The following AOX1 variants were observed in gnomAD, a reference collection of about 807,000 sequenced individuals.
AOX1 encodes aldehyde oxidase.
Under a neutral mutation model 169.5 loss-of-function variants are expected in AOX1, and 153 were observed. That is an observed-to-expected ratio of 0.90 (90% CI 0.79 to 1.03). AOX1 has a LOEUF of 1.03. Ranked by LOEUF, AOX1 falls within the 50% of genes least tolerant of loss-of-function variation. AOX1 has a pLI of 0.00. For missense variants in AOX1, 1,656 were observed against 1,663.9 expected, an observed-to-expected ratio of 1.00 and a Z score of 0.08; for synonymous variants, 562 against 581.9, an observed-to-expected ratio of 0.97 and a Z score of 0.49.
chr2:200,614,037 A>C, intron 15 of AOX1, 71 bp downstream of exon 15: 5 of 1,376,908 alleles, frequency 3.6e-6, no homozygotes, highest in Non-Finnish European at 5.0e-6. Flanking sequence ...AGAGGCAATG[A>C]CTCCCTACCA....
chr2:200,668,716 A>C lies in AOX1; in HGVS notation c.3711A>C (p.Lys1237Asn), dbSNP rs766738403. Residue 1237 changes from lysine to asparagine, a missense_variant, in exon 33 of 35, where the codon AAA becomes AAC. Coordinates refer to ENST00000374700, the MANE Select transcript of AOX1 (RefSeq NM_001159.4). ...ACACTCGTGGTCCAGACCAATATAA[A>C]ATCCCTGCCATCTGTGACATGCCCA... ...ILHTRGPDQY[K>N]IPAICDMPTE... 3.7e-6 allele frequency: 6 copies of C among 1,614,060 alleles called. No homozygotes were observed. Among genetic ancestry groups the C allele is most frequent in the Non-Finnish European group, 5.1e-6 (6 of 1,180,040 alleles).
Position 200,660,079 on chromosome 2 carries a change from A to G in AOX1, c.3375+10A>G, listed in dbSNP as rs1405368995. On this transcript the variant is annotated intron_variant, in intron 29 of 34. Coordinates refer to ENST00000374700, the MANE Select transcript of AOX1 (RefSeq NM_001159.4). ...AACTTGGAAAGACTGGGTGAGAATC[A>G]ATGGTTCTCTGTATTTTATTTTAGA... 6 of 1,607,638 alleles carry G rather than the reference A, an allele frequency of 3.7e-6. No individual in the cohort carries two copies. Among genetic ancestry groups the G allele is most frequent in the Admixed American group, 3.3e-5 (2 of 59,908 alleles).
At position 200,593,189 on chromosome 2, in the gene AOX1, A is replaced by G; in HGVS notation, c.89A>G (p.Tyr30Cys). 1 of 1,613,708 alleles carries G rather than the reference A, an allele frequency of 6.2e-7. No individual in the cohort carries two copies. Among genetic ancestry groups the G allele is most frequent in the East Asian group, 2.2e-5 (1 of 44,864 alleles). Residue 30 changes from tyrosine (Y) to cysteine (C), a missense_variant, in exon 2 of 35, where the codon TAT becomes TGT. Transcript: ENST00000374700. ...GATCCTGAAACAATGCTGTTGCCTTATTTGAGGAAGAAGCGTATCCTTTTC... is the reference window on the plus strand; with the variant it reads ...GATCCTGAAACAATGCTGTTGCCTTGTTTGAGGAAGAAGCGTATCCTTTTC... ...NVDPETMLLP[Y>C]LRKKLRLTGT...
intron 4 of AOX1, among the ~76,000 whole-genome samples, chr2:200,598,347 G>A (rs1378871080): frequency 6.6e-6 from 1 of 152,132 alleles, no homozygotes; most frequent in African/African-American, 2.4e-5. Flanking sequence ...TTGTCAATAA[G>A]TTTTTTGGCT....
intron 19 of AOX1, 89 bp from the exon 20 acceptor site, chr2:200,627,264 C>A: frequency 1.2e-6 from 1 of 829,340 alleles, no homozygotes; most frequent in Non-Finnish European, 2.0e-6. Flanking sequence ...GAAACAACCC[C>A]TGCTCAGAGG....
At chr2:200,638,478 G>A (rs1465481626) in intron 23 of AOX1, among the ~76,000 whole-genome samples, 176 bp downstream of exon 23, 2 of 152,188 alleles carry the variant, frequency 1.3e-5, no homozygotes, top group African/African-American at 4.8e-5. Context: ...CTGGTTCAAT[G>A]GAGGCTTTTC....
In AOX1 at chr2:200,611,377, T is replaced by A; in HGVS notation, c.1154-7T>A. 6.2e-7 allele frequency: 1 copy of A among 1,600,330 alleles called. No individual in the cohort carries two copies. Among genetic ancestry groups the A allele is most frequent in the Non-Finnish European group, 8.6e-7 (1 of 1,167,604 alleles). On this transcript the variant is annotated splice_polypyrimidine_tract_variant and splice_region_variant and intron_variant, in intron 12 of 34. Transcript: ENST00000374700. ...GATCCCAGGGAAAGTGTCATTTCTT[T>A]CCACAGAAGGAAAACGACAGATTCC...
downstream of AOX1, among the ~76,000 whole-genome samples, chr2:200,671,970 T>TA (rs931212386): frequency 8.0e-5 from 12 of 150,916 alleles, no homozygotes; most frequent in East Asian, 3.9e-4. Context: ...TTTGGCCATA[T>TA]AAAAAAAAAG....
chr2:200,639,304 T>C (rs1436144051), intron 23 of AOX1, among the ~76,000 whole-genome samples: 1 of 152,154 alleles, frequency 6.6e-6, no homozygotes, highest in Non-Finnish European at 1.5e-5. Flanking sequence ...TGTCACCTGG[T>C]AGGTGTTTTA....
At chr2:200,672,972 C>G (rs1468100927), downstream of AOX1, among the ~76,000 whole-genome samples, 1 of 152,208 alleles carries the variant, frequency 6.6e-6, no homozygotes, top group African/African-American at 2.4e-5. Flanking sequence ...CATGTAGAAC[C>G]TGGAGGCCGC....
chr2:200,661,204 C>G (rs2035812778), intron 29 of AOX1, among the ~76,000 whole-genome samples: 1 of 152,198 alleles, frequency 6.6e-6, no homozygotes, highest in Non-Finnish European at 1.5e-5. Flanking sequence ...AACCCTTACT[C>G]TATAGACTAG....
rs1416389532 is a variant in AOX1, at chr2:200,669,727, C to T, written c.3951C>T (p.Asp1317=). 6.2e-7 allele frequency: 1 copy of T among 1,609,466 alleles called. No homozygotes were observed. The highest frequency in any genetic ancestry group is 1.7e-5 in the Admixed American group (1 of 58,746). Residue 1317 remains aspartate (D), a synonymous_variant, in exon 34 of 35, where the codon GAC becomes GAT. Transcript: ENST00000374700. ...AGAAGATTAGGATGGCCTGTGAAGA[C>T]AAGTTCACAAAAATGGTACGTTTGC... ...TPEKIRMACE[D]KFTKMIPRDE...
chr2:200,661,768 C>A, intron 30 of AOX1, 137 bp downstream of exon 30: 1 of 656,188 alleles, frequency 1.5e-6, no homozygotes, highest in Non-Finnish European at 2.7e-6. Flanking sequence ...CATTTAACTG[C>A]TAGTTAATCC....
chr2:200,674,568 TTAAG>T (rs2036071302), downstream of AOX1, among the ~76,000 whole-genome samples: 1 of 152,174 alleles, frequency 6.6e-6, no homozygotes, highest in Non-Finnish European at 1.5e-5. Flanking sequence ...TGCTAAACAA[TTAAG>T]TGGACCAAAT....
chr2:200,599,807 C>G (rs144809932), intron 5 of AOX1, 61 bp downstream of exon 5: 28 of 1,268,114 alleles, frequency 2.2e-5, no homozygotes, highest in Admixed American at 7.2e-5. Context: ...TTTTTTGAGA[C>G]GGAATCTCAC....
intron 20 of AOX1, among the ~76,000 whole-genome samples, chr2:200,632,866 G>A (rs1325816849): frequency 2.0e-5 from 3 of 149,056 alleles, no homozygotes. Context: ...GAAATCTACT[G>A]TCTTTAAAAG....
chr2:200,623,926 T>C lies in AOX1; in HGVS notation c.2067T>C (p.Ala689=). ...ATTCTGAGGTTCAGGCAAAGCGAGC[T>C]GCTAAGCGAGTGAAGATTGTCTATC... ...LADSEVQAKR[A]AKRVKIVYQD... Residue 689 remains alanine, a synonymous_variant, in exon 19 of 35, where the codon GCT becomes GCC. Coordinates refer to ENST00000374700, the MANE Select transcript of AOX1 (RefSeq NM_001159.4). 2 of 1,614,182 alleles carry C rather than the reference T, an allele frequency of 1.2e-6. No individual in the cohort carries two copies. The highest frequency in any genetic ancestry group is 1.7e-6 in the Non-Finnish European group (2 of 1,180,010).
At chr2:200,664,432 C>A (rs2035889838) in intron 31 of AOX1, among the ~76,000 whole-genome samples, 1 of 152,218 alleles carries the variant, frequency 6.6e-6, no homozygotes, top group South Asian at 2.1e-4. Flanking sequence ...GCCCATATAA[C>A]TGATTTCTAA....
At chr2:200,670,524 C>G in intron 34 of AOX1, 105 bp from the exon 35 acceptor site, 1 of 873,048 alleles carries the variant, frequency 1.1e-6, no homozygotes, top group Non-Finnish European at 1.9e-6. Context: ...TGTCATGGCC[C>G]TGGTTGCCCT....
Sources: gnomAD v4.1 joint callset for allele counts (sites outside exome capture counted in the v4.1 genomes callset) on GRCh38, gnomAD v4.1.1 for gene constraint, MANE v1.5 for transcripts, NCBI Gene and HGNC (gene_info 2026-07-23, HGNC 2026-07-21) for gene names.